PRMT3: variants seen among roughly 807,000 people sequenced by gnomAD.
The protein encoded by PRMT3 is protein arginine N-methyltransferase 3.
In PRMT3, 62 loss-of-function variants were observed where a neutral mutation model predicts 71.9. The ratio of observed to expected loss-of-function variants is 0.86; its 90% CI spans 0.70 to 1.07. The LOEUF is 1.07. Among genes scored for constraint, PRMT3 ranks in the 50% least tolerant of loss-of-function variants. The probability of loss-of-function intolerance (pLI) is 0.00; values close to 1 mark genes in which losing one functional copy is unlikely to be tolerated. For synonymous variants in PRMT3, 213 were observed against 220.4 expected, an observed-to-expected ratio of 0.97 and a Z score of 0.30; for missense variants, 663 against 643.0, an observed-to-expected ratio of 1.03 and a Z score of -0.34.
intron 11 of PRMT3, among the ~76,000 whole-genome samples, chr11:20,458,278 A>G (rs1850311914): frequency 6.6e-6 from 1 of 152,186 alleles, no homozygotes; most frequent in Non-Finnish European, 1.5e-5. Context: ...CAAAATTCCT[A>G]GTGTTTACTA....
At chr11:20,454,638 C>T (rs189647194) in intron 11 of PRMT3, among the ~76,000 whole-genome samples, 7 of 152,104 alleles carry the variant, frequency 4.6e-5, no homozygotes, top group African/African-American at 1.2e-4. Context: ...TGTCTTGATG[C>T]GTATCACCAG....
At chr11:20,448,875 C>T (rs1850088472) in intron 10 of PRMT3, among the ~76,000 whole-genome samples, 2 of 152,080 alleles carry the variant, frequency 1.3e-5, no homozygotes, top group Non-Finnish European at 2.9e-5. Flanking sequence ...CCATGAGCAT[C>T]ATGGGAGAAA....
At chr11:20,412,621 A>G (rs1849219659) in intron 9 of PRMT3, among the ~76,000 whole-genome samples, 1 of 152,086 alleles carries the variant, frequency 6.6e-6, no homozygotes, top group Non-Finnish European at 1.5e-5. Flanking sequence ...CTTATACATT[A>G]TATCAGTAAA....
intron 13 of PRMT3, among the ~76,000 whole-genome samples, chr11:20,477,858 T>A (rs972153444): frequency 7.3e-6 from 1 of 136,666 alleles, no homozygotes; most frequent in Admixed American, 7.4e-5. Context: ...TCCACTCCAA[T>A]AAGTAACGTG....
intron 3 of PRMT3, among the ~76,000 whole-genome samples, chr11:20,391,606 GT>G (rs547563693): frequency 2.1e-5 from 3 of 145,736 alleles, no homozygotes; most frequent in Non-Finnish European, 3.0e-5. Context: ...ATTTTGTTTT[GT>G]TTTTTTTTTA....
intron 10 of PRMT3, among the ~76,000 whole-genome samples, chr11:20,441,541 T>C (rs1460080340): frequency 2.6e-5 from 4 of 151,726 alleles, no homozygotes; most frequent in African/African-American, 9.7e-5. Context: ...TCTCCTGACC[T>C]CGTGATCCAC....
At chr11:20,459,798 A>G (rs2133397881) in intron 11 of PRMT3, among the ~76,000 whole-genome samples, 1 of 152,354 alleles carries the variant, frequency 6.6e-6, no homozygotes, top group East Asian at 1.9e-4. Flanking sequence ...TCAACAAACT[A>G]AATACACTTC....
chr11:20,447,502 A>G (rs535488225), intron 10 of PRMT3, among the ~76,000 whole-genome samples: 1 of 152,226 alleles, frequency 6.6e-6, no homozygotes, highest in East Asian at 1.9e-4. Flanking sequence ...TGCGTTGATA[A>G]TAAGTTAGCC....
At chr11:20,442,748 G>A (rs1849937341) in intron 10 of PRMT3, among the ~76,000 whole-genome samples, 1 of 151,938 alleles carries the variant, frequency 6.6e-6, no homozygotes, top group African/African-American at 2.4e-5. Context: ...TTTTATTCTT[G>A]TGTAGAATAA....
intron 15 of PRMT3, among the ~76,000 whole-genome samples, chr11:20,497,084 T>A (rs1851350913): frequency 6.6e-6 from 1 of 152,220 alleles, no homozygotes; most frequent in African/African-American, 2.4e-5. Context: ...GTCATCTTAA[T>A]ACTAGAATTT....
At chr11:20,421,526 G>A (rs991427677) in intron 9 of PRMT3, among the ~76,000 whole-genome samples, 8 of 152,008 alleles carry the variant, frequency 5.3e-5, no homozygotes, top group African/African-American at 1.5e-4. Flanking sequence ...ATATTTCTCA[G>A]GTATCTTTTG....
chr11:20,425,008 G>A (rs1412950538), intron 9 of PRMT3, among the ~76,000 whole-genome samples: 2 of 151,958 alleles, frequency 1.3e-5, no homozygotes, highest in African/African-American at 2.4e-5. Flanking sequence ...GGAGTCTGAG[G>A]TGAGAGGATC....
rs757440361 is a variant in PRMT3 at position 20,388,144 on chromosome 11, T to G, written c.154T>G (p.Phe52Val). Residue 52 changes from phenylalanine to valine, a missense_variant, in exon 2 of 16, where the codon TTC (phenylalanine) becomes GTC (valine). By Grantham distance (50) the Phe-to-Val change is conservative. Transcript: ENST00000331079. The stretch of plus-strand genomic sequence containing the variant: ...CGGCAAGCAGCAGACCCCCTGCCTG[T>G]TCTGTAACAGGTTCGTCCGCCTCAG... Reference protein sequence around the residue: ...PHGKQQTPCLFCNRLFTSAEE... With the variant: ...PHGKQQTPCLVCNRLFTSAEE... 19 of 1,613,906 alleles carry G rather than the reference T, an allele frequency of 1.2e-5. No homozygotes were observed. Among genetic ancestry groups the G allele is most frequent in the Non-Finnish European group, 1.6e-5 (19 of 1,179,972 alleles).
intron 9 of PRMT3, among the ~76,000 whole-genome samples, chr11:20,420,058 G>A: frequency 6.6e-6 from 1 of 152,156 alleles, no homozygotes; most frequent in East Asian, 1.9e-4. Context: ...TGTAATCCCA[G>A]CTACTTGGGA....
intron 13 of PRMT3, among the ~76,000 whole-genome samples, chr11:20,492,594 T>G (rs753764372): frequency 6.6e-6 from 1 of 152,190 alleles, no homozygotes. Context: ...ACCATGATTT[T>G]TCAAAAAATC....
intron 9 of PRMT3, among the ~76,000 whole-genome samples, chr11:20,423,910 C>T (rs546847845): frequency 9.2e-4 from 125 of 135,922 alleles, no homozygotes; most frequent in Non-Finnish European, 1.6e-3. Context: ...AAAGGCCAGG[C>T]GCGGTGGCTG....
intron 9 of PRMT3, among the ~76,000 whole-genome samples, chr11:20,424,377 T>G (rs1849496527): frequency 6.6e-6 from 1 of 152,122 alleles, no homozygotes; most frequent in African/African-American, 2.4e-5. Flanking sequence ...AGTCCAGAAA[T>G]AAATCCACAC....
intron 15 of PRMT3, among the ~76,000 whole-genome samples, chr11:20,496,719 G>A: frequency 6.6e-6 from 1 of 152,004 alleles, no homozygotes; most frequent in Non-Finnish European, 1.5e-5. Context: ...CTGAGTGGTG[G>A]GCTCTATATT....
Position 20,493,984 on chromosome 11 carries a change from T to C in PRMT3, c.1398+15T>C, listed in dbSNP as rs772005187. The C allele has an allele frequency of 2.1e-5, 32 of 1,557,500 alleles. No homozygotes were observed. The highest frequency in any genetic ancestry group is 2.5e-5 in the Non-Finnish European group (28 of 1,134,644). On this transcript the variant is annotated intron_variant, in intron 14 of 15. Coordinates refer to ENST00000331079, the MANE Select transcript of PRMT3 (RefSeq NM_005788.4). Reference sequence around the variant, plus strand: ...GCCACAACAGGGTAAGTATCATGAATTATCTCATAAGAATTAATTATTACA... The same window carrying C: ...GCCACAACAGGGTAAGTATCATGAACTATCTCATAAGAATTAATTATTACA...
Sources: allele counts gnomAD v4.1 joint callset (sites outside exome capture counted in the v4.1 genomes callset), GRCh38; gene constraint gnomAD v4.1.1; transcripts MANE v1.5; gene names NCBI Gene and HGNC (gene_info 2026-07-23, HGNC 2026-07-21).